Variants in FNDC3B observed in about 807,000 individuals in gnomAD.
The protein encoded by FNDC3B is fibronectin type III domain containing 3B.
A neutral mutation model predicts 151.5 loss-of-function variants in FNDC3B; 12 were observed. The ratio of observed to expected loss-of-function variants is 0.08; its 90% CI spans 0.05 to 0.13. The LOEUF (loss-of-function observed/expected upper bound fraction) is 0.13. Ranked by LOEUF, FNDC3B falls within the 10% of genes least tolerant of loss-of-function variation. The probability of loss-of-function intolerance (pLI) is 1.00; values close to 1 mark genes in which losing one functional copy is unlikely to be tolerated. For synonymous variants in FNDC3B, 528 were observed against 549.0 expected (o/e 0.96, Z 0.54); for missense variants, 1,214 against 1,505.3 (o/e 0.81, Z 3.20).
chr3:172,229,131 ACACAC>A (rs1560028781), intron 4 of FNDC3B, among the ~76,000 whole-genome samples: 3,656 of 102,188 alleles, frequency 0.036, 62 homozygotes, highest in East Asian at 0.1. Flanking sequence ...ACACACACAC[ACACAC>A]AATCTCCTGC....
At chr3:172,152,022 G>A (rs1722252498) in intron 3 of FNDC3B, among the ~76,000 whole-genome samples, 2 of 152,182 alleles carry the variant, frequency 1.3e-5, no homozygotes, top group South Asian at 4.1e-4. Flanking sequence ...GTCCCTGTCT[G>A]ATCACCAGGT....
chr3:172,303,896 G>C (rs1731060858), intron 9 of FNDC3B, among the ~76,000 whole-genome samples: 1 of 152,158 alleles, frequency 6.6e-6, no homozygotes, highest in Admixed American at 6.5e-5. Context: ...CTTAAGTGTG[G>C]TGCCAATTTT....
intron 17 of FNDC3B, among the ~76,000 whole-genome samples, chr3:172,342,654 A>G (rs1052045356): frequency 6.6e-6 from 1 of 152,172 alleles, no homozygotes; most frequent in Non-Finnish European, 1.5e-5. Flanking sequence ...AATTTCATCC[A>G]GCTGTCGTTT....
chr3:172,330,628 A>G lies in FNDC3B; in HGVS notation c.1467A>G (p.Thr489=), dbSNP rs926798101. The G allele has an allele frequency of 7.4e-6, 12 of 1,614,074 alleles. No homozygotes were observed. Among genetic ancestry groups the G allele is most frequent in the Admixed American group, 3.3e-5 (2 of 60,010 alleles). ...SAPRLVRAGI[T]WVTLQWSKPE... is the part of the protein sequence containing the mutation. ...CAAGGCTGGTTCGAGCTGGCATCAC[A>G]TGGGTCACGTTGCAGTGGAGTAAGC... is the stretch of plus-strand genomic sequence containing the variant. The change falls in exon 13 of 26, where the codon ACA becomes ACG. Residue 489 remains threonine (T), a synonymous_variant. Coordinates refer to ENST00000415807, the MANE Select transcript of FNDC3B (RefSeq NM_022763.4).
At chr3:172,068,724 C>G (rs1717629091) in intron 1 of FNDC3B, among the ~76,000 whole-genome samples, 1 of 152,188 alleles carries the variant, frequency 6.6e-6, no homozygotes, top group African/African-American at 2.4e-5. Flanking sequence ...CGTGCCCGGC[C>G]AGAGGAGCCC....
intron 22 of FNDC3B, among the ~76,000 whole-genome samples, chr3:172,354,979 A>C (rs1734022953): frequency 6.6e-6 from 1 of 151,788 alleles, no homozygotes. Context: ...TAAATGTACT[A>C]ATGCAAAAAA....
chr3:172,309,544 T>C (rs963525837), intron 10 of FNDC3B, among the ~76,000 whole-genome samples: 2 of 152,098 alleles, frequency 1.3e-5, no homozygotes, highest in Admixed American at 6.5e-5. Context: ...CTCCTCCAGA[T>C]TGAGCCTGCA....
At chr3:172,077,094 T>A (rs1208004067) in intron 1 of FNDC3B, among the ~76,000 whole-genome samples, 1 of 151,962 alleles carries the variant, frequency 6.6e-6, no homozygotes, top group Non-Finnish European at 1.5e-5. Context: ...GTAAATAGAA[T>A]TCATCAAGAA....
intron 3 of FNDC3B, among the ~76,000 whole-genome samples, chr3:172,139,755 T>C (rs988266460): frequency 1.3e-5 from 2 of 151,862 alleles, no homozygotes; most frequent in African/African-American, 4.8e-5. Flanking sequence ...ACCATTTCTT[T>C]TTTTTTTTGT....
At chr3:172,262,741 A>C (rs960161778) in intron 6 of FNDC3B, among the ~76,000 whole-genome samples, 3 of 151,216 alleles carry the variant, frequency 2.0e-5, no homozygotes, top group Non-Finnish European at 2.9e-5. Flanking sequence ...CATCTCTGAC[A>C]AAAAAAATTA....
intron 15 of FNDC3B, 200 bp downstream of exon 15, chr3:172,335,282 G>A (rs996318490): frequency 1.2e-4 from 52 of 443,528 alleles, no homozygotes; most frequent in Non-Finnish European, 1.6e-4. Flanking sequence ...AAATGTAATC[G>A]TAATGGACAA....
intron 7 of FNDC3B, 89 bp downstream of exon 7, chr3:172,286,073 G>A (rs1207961753): frequency 2.2e-6 from 2 of 910,634 alleles, no homozygotes; most frequent in East Asian, 2.5e-5. Context: ...CAGTAGGTAA[G>A]GAAAAGGGCT....
chr3:172,330,806 C>T (rs6774744), intron 13 of FNDC3B, 91 bp downstream of exon 13: 2 of 982,290 alleles, frequency 2.0e-6, no homozygotes. Context: ...TTAACTGCAT[C>T]AGTTCAAAGC....
intron 3 of FNDC3B, among the ~76,000 whole-genome samples, chr3:172,173,287 A>G (rs1409587741): frequency 2.0e-5 from 3 of 152,156 alleles, no homozygotes; most frequent in African/African-American, 7.2e-5. Context: ...CAAGCTTTGT[A>G]TCACAGATTC....
chr3:172,068,488 A>G (rs995265585), intron 1 of FNDC3B, among the ~76,000 whole-genome samples: 1 of 149,358 alleles, frequency 6.7e-6, no homozygotes. Flanking sequence ...CAGTGGCACA[A>G]TCTCGTCTCA....
chr3:172,226,741 A>G, intron 3 of FNDC3B, 130 bp from the exon 4 acceptor site: 1 of 600,952 alleles, frequency 1.7e-6, no homozygotes, highest in Non-Finnish European at 3.0e-6. Context: ...AAGGCAATAT[A>G]TACCAACTTT....
At chr3:172,093,555 G>A (rs1175067701) in intron 1 of FNDC3B, among the ~76,000 whole-genome samples, 1 of 152,072 alleles carries the variant, frequency 6.6e-6, no homozygotes, top group Non-Finnish European at 1.5e-5. Flanking sequence ...ACCGCGCCCG[G>A]CCCCATCTAA....
At chr3:172,168,808 G>T in intron 3 of FNDC3B, among the ~76,000 whole-genome samples, 1 of 149,922 alleles carries the variant, frequency 6.7e-6, no homozygotes, top group East Asian at 1.9e-4. Flanking sequence ...CGCTTCCCGG[G>T]TTCAAGTGAT....
intron 3 of FNDC3B, among the ~76,000 whole-genome samples, chr3:172,139,883 C>A (rs984443044): frequency 6.6e-6 from 1 of 151,922 alleles, no homozygotes; most frequent in Non-Finnish European, 1.5e-5. Flanking sequence ...GCAGCCTTGA[C>A]CTCCTGAGCT....
Sources: gnomAD v4.1 joint callset for allele counts (sites outside exome capture counted in the v4.1 genomes callset) on GRCh38, gnomAD v4.1.1 for gene constraint, MANE v1.5 for transcripts, NCBI Gene and HGNC (gene_info 2026-07-23, HGNC 2026-07-21) for gene names.